SORCS1: variants seen among roughly 807,000 people sequenced by gnomAD.
SORCS1 encodes the protein sortilin related VPS10 domain containing receptor 1, also known as VPS10 domain-containing receptor SorCS1.
SORCS1 carries 60 observed loss-of-function variants against 146.1 expected under a neutral mutation model. The ratio of observed to expected loss-of-function variants is 0.41; its 90% confidence interval spans 0.33 to 0.51. The LOEUF (loss-of-function observed/expected upper bound fraction) is 0.51, where lower values mean the gene tolerates loss of function less well. Among genes scored for constraint, SORCS1 ranks in the 20% least tolerant of loss-of-function variants. SORCS1 has a pLI of 0.21. For synonymous variants in SORCS1, 637 were observed against 584.0 expected (o/e 1.09, Z -1.31); for missense variants, 1,352 against 1,487.6 (o/e 0.91, Z 1.50).
At chr10:106,891,596 C>T (rs1951239974) in intron 2 of SORCS1, among the ~76,000 whole-genome samples, 1 of 149,726 alleles carries the variant, frequency 6.7e-6, no homozygotes, top group Non-Finnish European at 1.5e-5. Context: ...AATTCCTGGG[C>T]TCAAGTGATC....
upstream of SORCS1, among the ~76,000 whole-genome samples, chr10:107,168,666 CTTTTTT>C (rs57998261): frequency 0.25 from 29,424 of 119,290 alleles, 3,215 homozygotes; most frequent in African/African-American, 0.26. Flanking sequence ...CAGCTCATGC[CTTTTTT>C]TTTTTTTTTT....
In SORCS1 at chr10:106,961,099, G is replaced by C. The variant is rs150933859; in HGVS notation, c.559-4519C>G. On this transcript the variant is annotated intron_variant, in intron 1 of 25. Coordinates refer to ENST00000263054, the MANE Select transcript of SORCS1 (RefSeq NM_052918.5). The stretch of plus-strand genomic sequence containing the variant: ...TACAGAACAAAAGCATTCACAAACA[G>C]ATGCTGGTATATGGATGACTAATAA... Among the ~76,000 whole-genome samples, 39 of 152,192 alleles carry C rather than the reference G, an allele frequency of 2.6e-4. 1 individual carries two copies. In the East Asian group the frequency reaches 6.8e-3, roughly 26 times the overall value.
At chr10:107,099,776 T>C (rs1020474643) in intron 1 of SORCS1, among the ~76,000 whole-genome samples, 1 of 152,244 alleles carries the variant, frequency 6.6e-6, no homozygotes, top group Non-Finnish European at 1.5e-5. Context: ...TTCTTTCATT[T>C]GTTTTGTATG....
Position 106,944,871 on chromosome 10 carries a change from CTTCTTTTTTTTTTTTTTTTTTT to C in SORCS1, c.626+11620_626+11641del, listed in dbSNP as rs1954240505. ...ATGGTAGAAAGAAGCAAGAAAGAGC[CTTCTTTTTTTTTTTTTTTTTTT>C]TTTTTTTTTGGAGATGGAGTCTCGC... On this transcript the variant is annotated intron_variant, in intron 2 of 25. Coordinates refer to ENST00000263054, the MANE Select transcript of SORCS1 (RefSeq NM_052918.5). 9.8e-5 allele frequency among the ~76,000 whole-genome samples: 6 copies of C among 61,024 alleles called. 1 individual carries two copies. Among genetic ancestry groups the C allele is most frequent in the African/African-American group, 2.7e-4 (6 of 22,372 alleles). The allele number at this position is 61,024 out of a possible 152,430, so 40.0% of individuals were successfully genotyped here. A position where few individuals can be genotyped will look rare whatever the true frequency, so the allele number is the denominator to read the frequency against.
intron 2 of SORCS1, among the ~76,000 whole-genome samples, chr10:106,889,658 G>C (rs1210905765): frequency 6.6e-6 from 1 of 152,022 alleles, no homozygotes; most frequent in Non-Finnish European, 1.5e-5. Context: ...CCAGCACTTT[G>C]GGAGGCCAAG....
At chr10:106,700,439 CCAAAACAAACAAA>C (rs1232389401) in intron 8 of SORCS1, among the ~76,000 whole-genome samples, 4 of 48,680 alleles carry the variant, frequency 8.2e-5, no homozygotes, top group African/African-American at 1.3e-4. Context: ...AGCTAAGTAA[CCAAAACAAACAAA>C]CGAAAACAAA....
intron 2 of SORCS1, among the ~76,000 whole-genome samples, chr10:106,856,950 T>A (rs1250268466): frequency 6.6e-6 from 1 of 152,232 alleles, no homozygotes; most frequent in Non-Finnish European, 1.5e-5. Flanking sequence ...TTGTTAATTG[T>A]TCAGTTTCTT....
intron 1 of SORCS1, among the ~76,000 whole-genome samples, chr10:107,113,521 C>T (rs111665272): frequency 0.012 from 1,851 of 151,828 alleles, 35 homozygotes; most frequent in African/African-American, 0.042. Context: ...GAAATCCTGT[C>T]TCTACTAAAA....
intron 23 of SORCS1, among the ~76,000 whole-genome samples, chr10:106,602,994 G>C (rs1408838645): frequency 6.6e-6 from 1 of 152,078 alleles, no homozygotes; most frequent in Non-Finnish European, 1.5e-5. Context: ...AAACAGCCAA[G>C]GAAGAAATAT....
At position 106,675,054 on chromosome 10, in the gene SORCS1, G is replaced by T. The variant is rs1851921731; in HGVS notation, c.1935C>A (p.Ile645=). Residue 645 remains isoleucine (I), a synonymous_variant, in exon 14 of 26, where the codon ATC becomes ATA. Coordinates refer to ENST00000263054, the MANE Select transcript of SORCS1 (RefSeq NM_052918.5). ...VLGEPGEETL[I]MTVFGHFSHR... is the part of the protein sequence containing the mutation. ...CATCATACTTTTCAACTTACGTCAT[G>T]ATGAGAGTCTCTTCTCCAGGCTCAC... The T allele has an allele frequency of 6.2e-7, 1 of 1,611,994 alleles. No individual in the cohort carries two copies. The highest frequency in any genetic ancestry group is 8.5e-7 in the Non-Finnish European group (1 of 1,178,340).
intron 2 of SORCS1, among the ~76,000 whole-genome samples, chr10:106,875,076 C>A (rs7090465): frequency 2.0e-5 from 3 of 151,850 alleles, no homozygotes; most frequent in African/African-American, 7.3e-5. Flanking sequence ...TAGTGTACAT[C>A]GTACCCAATA....
At chr10:106,959,056 G>C (rs925413067) in intron 1 of SORCS1, among the ~76,000 whole-genome samples, 4 of 152,162 alleles carry the variant, frequency 2.6e-5, no homozygotes, top group African/African-American at 9.7e-5. Flanking sequence ...TTCTTGTGAT[G>C]AGGGAATTCA....
chr10:106,874,044 T>G (rs976518687), intron 2 of SORCS1, among the ~76,000 whole-genome samples: 1 of 152,220 alleles, frequency 6.6e-6, no homozygotes, highest in Non-Finnish European at 1.5e-5. Context: ...ATCAACCTGA[T>G]TGTGAAACAT....
At position 106,987,571 on chromosome 10, in the gene SORCS1, G is replaced by T. The variant is rs144237738; in HGVS notation, c.559-30991C>A. ...GCGCATAGCCACCCAATGCCTTACG[G>T]ACCGGGCAGTGCCCTCAGGGGAGAA... On this transcript the variant is annotated intron_variant, in intron 1 of 25. Coordinates refer to ENST00000263054, the MANE Select transcript of SORCS1 (RefSeq NM_052918.5). Among the ~76,000 whole-genome samples, 703 of 152,276 alleles carry T rather than the reference G, an allele frequency of 4.6e-3. 3 individuals carry two copies. Among genetic ancestry groups the T allele is most frequent in the African/African-American group, 0.016 (667 of 41,566 alleles).
chr10:106,717,368 C>T (rs1855451620), intron 6 of SORCS1, among the ~76,000 whole-genome samples: 1 of 152,186 alleles, frequency 6.6e-6, no homozygotes, highest in Non-Finnish European at 1.5e-5. Context: ...GTCACATGTA[C>T]CAGCTAGAAA....
intron 2 of SORCS1, among the ~76,000 whole-genome samples, chr10:106,856,699 G>T (rs530908793): frequency 6.6e-6 from 1 of 152,292 alleles, no homozygotes; most frequent in South Asian, 2.1e-4. Flanking sequence ...AAAAGTATGA[G>T]GGCCTCTCTG....
At chr10:106,736,724 A>C (rs999641575) in intron 5 of SORCS1, among the ~76,000 whole-genome samples, 1 of 152,124 alleles carries the variant, frequency 6.6e-6, no homozygotes, top group Non-Finnish European at 1.5e-5. Context: ...TAATCTACAA[A>C]GCAGCCGAAG....
intron 2 of SORCS1, among the ~76,000 whole-genome samples, chr10:106,928,620 C>A (rs1002663082): frequency 1.3e-5 from 2 of 152,194 alleles, no homozygotes; most frequent in Non-Finnish European, 2.9e-5. Context: ...TGAGAGCGAG[C>A]GAGGGCTGTG....
chr10:106,901,453 G>A (rs770773983), intron 2 of SORCS1, among the ~76,000 whole-genome samples: 29 of 152,060 alleles, frequency 1.9e-4, no homozygotes, highest in Non-Finnish European at 4.3e-4. Flanking sequence ...TTTGTTTTGA[G>A]GCAGTGTCTC....
Sources: allele counts gnomAD v4.1 joint callset (sites outside exome capture counted in the v4.1 genomes callset), GRCh38; gene constraint gnomAD v4.1.1; transcripts MANE v1.5; gene names NCBI Gene and HGNC (gene_info 2026-07-23, HGNC 2026-07-21).